Variants in ANTXR2 observed in about 807,000 individuals in gnomAD.
The protein encoded by ANTXR2 is anthrax toxin receptor 2.
A neutral mutation model predicts 73.7 loss-of-function variants in ANTXR2; 44 were observed. The ratio of observed to expected loss-of-function variants is 0.60; its 90% confidence interval spans 0.47 to 0.77. The LOEUF (loss-of-function observed/expected upper bound fraction) is 0.77, where lower values mean the gene tolerates loss of function less well. ANTXR2 is among the 30% of genes least tolerant of loss of function. The pLI, the probability that ANTXR2 is intolerant of heterozygous loss-of-function variation, is 0.00. For synonymous variants in ANTXR2, 217 were observed against 205.9 expected (o/e 1.05, Z -0.46); for missense variants, 604 against 592.5 (o/e 1.02, Z -0.20).
intron 7 of ANTXR2, among the ~76,000 whole-genome samples, chr4:80,049,723 A>G (rs1401885829): frequency 3.3e-5 from 5 of 151,724 alleles, no homozygotes; most frequent in Admixed American, 6.6e-5. Flanking sequence ...CAGGGACAGA[A>G]TGCCCAAGTT....
intron 16 of ANTXR2, among the ~76,000 whole-genome samples, chr4:79,974,789 A>T (rs1405669479): frequency 6.6e-6 from 1 of 151,856 alleles, no homozygotes; most frequent in Non-Finnish European, 1.5e-5. Flanking sequence ...AAAAAAAAGA[A>T]AAAGGAAGAA....
chr4:79,984,099 G>A (rs1730000751), intron 13 of ANTXR2, 129 bp from the exon 14 acceptor site: 1 of 662,000 alleles, frequency 1.5e-6, no homozygotes, highest in Non-Finnish European at 2.5e-6. Context: ...TATAGAACAT[G>A]TGGATATATT....
chr4:80,061,479 T>A (rs1209559816), intron 3 of ANTXR2, among the ~76,000 whole-genome samples: 1 of 152,164 alleles, frequency 6.6e-6, no homozygotes, highest in African/African-American at 2.4e-5. Flanking sequence ...GCCACAGACT[T>A]AATCTGCTTG....
chr4:79,923,841 A>G (rs1211154256), intron 16 of ANTXR2, among the ~76,000 whole-genome samples: 1 of 152,172 alleles, frequency 6.6e-6, no homozygotes, highest in Non-Finnish European at 1.5e-5. Flanking sequence ...GTGGCAGAGC[A>G]CATGCGCTGT....
In ANTXR2 at chr4:80,066,140, A is replaced by G. The variant is rs376425920; in HGVS notation, c.296+3296T>C. ...GTTACTGATTTAATTAAATAAAATT[A>G]GTAAAATAGCAATATAGAACAAGAA... On this transcript the variant is annotated intron_variant, in intron 3 of 16. Coordinates refer to ENST00000403729, the MANE Select transcript of ANTXR2 (RefSeq NM_058172.6). Among the ~76,000 whole-genome samples, 79 of 152,370 alleles carry G rather than the reference A, an allele frequency of 5.2e-4. 2 individuals are homozygous for G. In the East Asian group the frequency reaches 0.011, roughly 21 times the overall value.
chr4:79,904,673 A>T lies in ANTXR2; in HGVS notation c.*2756T>A, dbSNP rs1010636229. ...AGGCAGAGTAGACACATAAGTTAGG[A>T]GTCATTTCCCACTTAATTGTTTTTG... On this transcript the variant is annotated 3_prime_UTR_variant, in exon 17 of 17. Transcript: ENST00000403729. The T allele has an allele frequency of 2.6e-5, 4 of 152,130 alleles. No individual in the cohort carries two copies. Among genetic ancestry groups the T allele is most frequent in the Non-Finnish European group, 4.4e-5 (3 of 68,006 alleles). The allele number at this position is 152,130 out of a possible 1,614,324, so 9.4% of individuals were successfully genotyped here.
chr4:79,993,665 T>C (rs1730580088), intron 12 of ANTXR2, among the ~76,000 whole-genome samples: 1 of 151,648 alleles, frequency 6.6e-6, no homozygotes, highest in African/African-American at 2.4e-5. Context: ...TTTGAAAGTT[T>C]TTCCCCCAAA....
At position 79,978,939 on chromosome 4, in the gene ANTXR2, G is replaced by A. The variant is rs1041365757; in HGVS notation, c.1180-765C>T. 2.0e-5 allele frequency among the ~76,000 whole-genome samples: 3 copies of A among 152,126 alleles called. No homozygotes were observed. In the East Asian group the frequency reaches 5.8e-4, roughly 29 times the overall value. ...CTTTTATAGTTCTAAGTAATATAGT[G>A]TTCAGCCTTTAGTTCCCAAGCTCAT... On this transcript the variant is annotated intron_variant, in intron 14 of 16. Coordinates refer to ENST00000403729, the MANE Select transcript of ANTXR2 (RefSeq NM_058172.6).
chr4:79,914,100 TGAG>T (rs1210100618), intron 16 of ANTXR2, among the ~76,000 whole-genome samples: 4 of 152,278 alleles, frequency 2.6e-5, no homozygotes, highest in Non-Finnish European at 5.9e-5. Context: ...TTTGGTCATA[TGAG>T]GAGAATTATC....
intron 6 of ANTXR2, 100 bp downstream of exon 6, chr4:80,055,050 C>A: frequency 9.3e-7 from 1 of 1,073,694 alleles, no homozygotes; most frequent in Admixed American, 2.6e-5. Flanking sequence ...CTTTAACAAT[C>A]GACCAGTGTC....
At chr4:79,944,802 T>G (rs1728455831) in intron 16 of ANTXR2, among the ~76,000 whole-genome samples, 1 of 152,120 alleles carries the variant, frequency 6.6e-6, no homozygotes, top group Non-Finnish European at 1.5e-5. Flanking sequence ...TTGAATCTCC[T>G]TTCTACCCCA....
chr4:80,053,952 A>G (rs949632858), intron 7 of ANTXR2, among the ~76,000 whole-genome samples: 2 of 151,754 alleles, frequency 1.3e-5, no homozygotes, highest in Non-Finnish European at 3.0e-5. Flanking sequence ...AATTTCTCCT[A>G]TAAAACCTAT....
chr4:80,039,556 G>C (rs147993224), intron 7 of ANTXR2, among the ~76,000 whole-genome samples: 39 of 152,154 alleles, frequency 2.6e-4, no homozygotes, highest in African/African-American at 8.9e-4. Flanking sequence ...CTAATCACTA[G>C]AGAAATGCAA....
At position 79,922,414 on chromosome 4, in the gene ANTXR2, T is replaced by G. The variant is rs1727626463; in HGVS notation, c.1429-14947A>C. ...AGGCACTCCTAGTCTAAACAACTTA[T>G]GTTAACTAACATGAGTAAGTCTTTA... is the stretch of plus-strand genomic sequence containing the variant. On this transcript the variant is annotated intron_variant, in intron 16 of 16. Coordinates refer to ENST00000403729, the MANE Select transcript of ANTXR2 (RefSeq NM_058172.6). Among the ~76,000 whole-genome samples the G allele has an allele frequency of 2.0e-5, 3 of 152,090 alleles. No individual in the cohort carries two copies. The South Asian group carries it at 6.2e-4, about 32-fold the overall frequency.
chr4:80,030,019 C>G (rs1441857918), intron 10 of ANTXR2, among the ~76,000 whole-genome samples: 1 of 151,916 alleles, frequency 6.6e-6, no homozygotes, highest in Non-Finnish European at 1.5e-5. Flanking sequence ...ATAAAATAAT[C>G]TGTTTTAACA....
chr4:79,991,284 GCAAAGGA>G lies in ANTXR2; in HGVS notation c.1042-6428_1042-6422del, dbSNP rs1365330053. On this transcript the variant is annotated intron_variant, in intron 12 of 16. Coordinates refer to ENST00000403729, the MANE Select transcript of ANTXR2 (RefSeq NM_058172.6). Reference sequence around the variant, plus strand: ...CAAACAACCTCATTTAAAAAAATGGGCAAAGGACACGAACAGGCACTTCTCAAAAGAA... The same window carrying G: ...CAAACAACCTCATTTAAAAAAATGGGCACGAACAGGCACTTCTCAAAAGAA... Among the ~76,000 whole-genome samples the G allele has an allele frequency of 7.2e-5, 11 of 151,946 alleles. No individual in the cohort carries two copies. The East Asian group carries it at 2.1e-3, about 29-fold the overall frequency.
intron 12 of ANTXR2, among the ~76,000 whole-genome samples, chr4:79,994,104 T>A (rs924563873): frequency 1.3e-5 from 2 of 151,956 alleles, no homozygotes; most frequent in Admixed American, 1.3e-4. Flanking sequence ...AATAATACAT[T>A]CACAAAATTT....
chr4:79,908,938 A>G (rs1727020248), intron 16 of ANTXR2, among the ~76,000 whole-genome samples: 2 of 152,180 alleles, frequency 1.3e-5, no homozygotes, highest in South Asian at 4.1e-4. Context: ...ATTTTTCACA[A>G]CACGTTATGT....
chr4:79,919,920 TA>T (rs56403433), intron 16 of ANTXR2, among the ~76,000 whole-genome samples: 1 of 15,008 alleles, frequency 6.7e-5, no homozygotes, highest in African/African-American at 3.1e-4. Context: ...TATATATATA[TA>T]AAAAATGATA....
Sources: gnomAD v4.1 joint callset for allele counts (sites outside exome capture counted in the v4.1 genomes callset) on GRCh38, gnomAD v4.1.1 for gene constraint, MANE v1.5 for transcripts, NCBI Gene and HGNC (gene_info 2026-07-23, HGNC 2026-07-21) for gene names.